Variants in RRP15 observed in about 807,000 individuals in gnomAD.
RRP15 encodes the protein RRP15-like protein.
A neutral mutation model predicts 27.1 loss-of-function variants in RRP15; 18 were observed. The ratio of observed to expected loss-of-function variants is 0.66; its 90% CI spans 0.46 to 0.98. The LOEUF (loss-of-function observed/expected upper bound fraction) is 0.98, where lower values mean the gene tolerates loss of function less well. Among genes scored for constraint, RRP15 ranks in the 50% least tolerant of loss-of-function variants. RRP15 has a pLI of 0.00. For missense variants in RRP15, 359 were observed against 337.8 expected, an observed-to-expected ratio of 1.06 and a Z score of -0.49; for synonymous variants, 107 against 109.4, an observed-to-expected ratio of 0.98 and a Z score of 0.14.
chr1:218,317,795 G>T (rs1168695837), intron 4 of RRP15, among the ~76,000 whole-genome samples: 2 of 146,032 alleles, frequency 1.4e-5, no homozygotes, highest in Admixed American at 1.4e-4. Context: ...GAATATAGTG[G>T]TGTGATCACA....
intron 1 of RRP15, among the ~76,000 whole-genome samples, chr1:218,287,172 G>T (rs541106988): frequency 6.8e-6 from 1 of 147,598 alleles, no homozygotes; most frequent in Non-Finnish European, 1.5e-5. Flanking sequence ...GTAGAGATGG[G>T]ATTTTGCCAT....
At chr1:218,319,363 CTTGT>C (rs1264022443) in intron 4 of RRP15, among the ~76,000 whole-genome samples, 1 of 152,182 alleles carries the variant, frequency 6.6e-6, no homozygotes, top group Non-Finnish European at 1.5e-5. Context: ...CTGTGCCCGG[CTTGT>C]TTGTCTTTTT....
At chr1:218,299,208 T>C (rs972253873) in intron 1 of RRP15, among the ~76,000 whole-genome samples, 9 of 152,208 alleles carry the variant, frequency 5.9e-5, no homozygotes, top group Non-Finnish European at 1.2e-4. Flanking sequence ...TCATATTAAA[T>C]GTCATCATTT....
At position 218,334,357 on chromosome 1, in the gene RRP15, T is replaced by G. The variant is rs1656417753; in HGVS notation, c.*3266T>G. 1 of 152,220 alleles carries G rather than the reference T, an allele frequency of 6.6e-6. No homozygotes were observed. The highest frequency in any genetic ancestry group is 2.4e-5 in the African/African-American group (1 of 41,456). The allele number at this position is 152,220 out of a possible 1,614,324, so 9.4% of individuals were successfully genotyped here. On this transcript the variant is annotated 3_prime_UTR_variant, in exon 5 of 5. Transcript: ENST00000366932. ...AGTAGGAGGTTCTCAAAGGTCTATT[T>G]GAAGGCAATCCAATTTCTTTAAAAT...
At chr1:218,302,024 C>A in intron 1 of RRP15, 1 of 380,304 alleles carries the variant, frequency 2.6e-6, no homozygotes, top group East Asian at 4.1e-5. Flanking sequence ...GTGGCAGAGG[C>A]TGTTGGATTT....
intron 4 of RRP15, among the ~76,000 whole-genome samples, chr1:218,318,845 T>C (rs1656131520): frequency 6.6e-6 from 1 of 152,102 alleles, no homozygotes; most frequent in Non-Finnish European, 1.5e-5. Context: ...TCTCCATCTT[T>C]TGCCTTTTAC....
At chr1:218,319,255 G>A (rs1656140376) in intron 4 of RRP15, among the ~76,000 whole-genome samples, 1 of 151,942 alleles carries the variant, frequency 6.6e-6, no homozygotes. Context: ...AGTAGAGATG[G>A]GGTTTCACCA....
In RRP15 at chr1:218,286,864, TTAGAC is replaced by T. The variant is rs1305649298; in HGVS notation, c.139+1413_139+1417del. On this transcript the variant is annotated intron_variant, in intron 1 of 4. Coordinates refer to ENST00000366932, the MANE Select transcript of RRP15 (RefSeq NM_016052.4). ...CTGGTTCTGATATTTTTTAAATTCA[TTAGAC>T]TAGTTCAAACACTATTGTTCAAGAA... Among the ~76,000 whole-genome samples the T allele has an allele frequency of 7.4e-4, 113 of 152,342 alleles. 1 individual carries two copies. Among genetic ancestry groups the T allele is most frequent in the Admixed American group, 3.5e-3 (53 of 15,298 alleles).
chr1:218,304,846 C>T lies in RRP15; in HGVS notation c.406-182C>T, dbSNP rs116741352. Among the ~76,000 whole-genome samples the T allele has an allele frequency of 2.4e-3, 365 of 152,256 alleles. 3 individuals are homozygous for T. The highest frequency in any genetic ancestry group is 8.5e-3 in the African/African-American group (353 of 41,568). The stretch of plus-strand genomic sequence containing the variant: ...CTCACTTTGTGCCTCTCGCATGACA[C>T]GCTGAGTGCTAACCACAGGCTCTCG... On this transcript the variant is annotated intron_variant, in intron 2 of 4. Transcript: ENST00000366932.
chr1:218,306,480 T>A (rs756524456), intron 3 of RRP15, among the ~76,000 whole-genome samples: 3 of 152,098 alleles, frequency 2.0e-5, no homozygotes, highest in Non-Finnish European at 4.4e-5. Context: ...AGAAATGGCC[T>A]GGATAAAGAG....
At chr1:218,318,992 C>A (rs1235045460) in intron 4 of RRP15, among the ~76,000 whole-genome samples, 1 of 151,982 alleles carries the variant, frequency 6.6e-6, no homozygotes, top group Non-Finnish European at 1.5e-5. Context: ...GGGGTTGTTT[C>A]ATCCCTTTTA....
chr1:218,323,762 C>G (rs1024924846), intron 4 of RRP15, among the ~76,000 whole-genome samples: 2 of 152,198 alleles, frequency 1.3e-5, no homozygotes, highest in African/African-American at 4.8e-5. Context: ...CGGAGGGGGC[C>G]AAGGGGGCAG....
At chr1:218,295,567 TC>T (rs1655706553) in intron 1 of RRP15, among the ~76,000 whole-genome samples, 2 of 152,242 alleles carry the variant, frequency 1.3e-5, no homozygotes, top group African/African-American at 4.8e-5. Context: ...CTAGGAGATA[TC>T]CCTTCATTTT....
At chr1:218,324,758 C>T (rs1231989172) in intron 4 of RRP15, among the ~76,000 whole-genome samples, 3 of 152,124 alleles carry the variant, frequency 2.0e-5, no homozygotes, top group Non-Finnish European at 2.9e-5. Context: ...ATTTCTTATT[C>T]GTGTGAAAAA....
At position 218,307,524 on chromosome 1, in the gene RRP15, T is replaced by C. The variant is rs532090989; in HGVS notation, c.597T>C (p.Ala199=). 5.0e-6 allele frequency: 8 copies of C among 1,613,846 alleles called. No homozygotes were observed. Among genetic ancestry groups the C allele is most frequent in the East Asian group, 2.2e-5 (1 of 44,844 alleles). Reference sequence around the variant, plus strand: ...CTGGAAGTTCTATGAGAAAGCGTGCTAAGTTGATATCAACTGTTTCCAAGA... The same window carrying C: ...CTGGAAGTTCTATGAGAAAGCGTGCCAAGTTGATATCAACTGTTTCCAAGA... ...KEAGSSMRKR[A]KLISTVSKKD... The change falls in exon 4 of 5, where the codon GCT becomes GCC. Residue 199 remains alanine (A), a synonymous_variant. Transcript: ENST00000366932.
chr1:218,320,017 GT>G lies in RRP15; in HGVS notation c.706-10916del, dbSNP rs1209984509. ...ACATTTGACTTTTCAGGTACCTTAG[GT>G]TTTTTTTTTTTTTTACTATGTTTTA... On this transcript the variant is annotated intron_variant, in intron 4 of 4. Transcript: ENST00000366932. 8.7e-3 allele frequency among the ~76,000 whole-genome samples: 1,080 copies of G among 124,040 alleles called. 11 individuals are homozygous for G. Among genetic ancestry groups the G allele is most frequent in the African/African-American group, 0.025 (861 of 34,548 alleles). The allele number at this position is 124,040 out of a possible 152,430, so 81.4% of individuals were successfully genotyped here.
chr1:218,292,410 A>C (rs1224735222), intron 1 of RRP15, among the ~76,000 whole-genome samples: 1 of 152,208 alleles, frequency 6.6e-6, no homozygotes, highest in African/African-American at 2.4e-5. Flanking sequence ...GCTGTAGCCA[A>C]GAAAAAGCAC....
At chr1:218,292,654 C>A (rs142592937) in intron 1 of RRP15, among the ~76,000 whole-genome samples, 1 of 152,306 alleles carries the variant, frequency 6.6e-6, no homozygotes, top group East Asian at 1.9e-4. Flanking sequence ...AATACAGAAT[C>A]CACAAATAAC....
rs982513320 is a variant in RRP15, at chr1:218,332,016, A to C, written c.*925A>C. The stretch of plus-strand genomic sequence containing the variant: ...TTATTTTATTTCCTTTCATTTATTA[A>C]ATAATATAAATAATGACAGATTTAT... On this transcript the variant is annotated 3_prime_UTR_variant, in exon 5 of 5. Coordinates refer to ENST00000366932, the MANE Select transcript of RRP15 (RefSeq NM_016052.4). The C allele has an allele frequency of 6.6e-6, 1 of 152,080 alleles. No individual in the cohort carries two copies. Among genetic ancestry groups the C allele is most frequent in the Non-Finnish European group, 1.5e-5 (1 of 68,024 alleles). 9.4% of individuals were successfully genotyped at this position (152,080 alleles called of 1,614,324 possible).
Sources: gnomAD v4.1 joint callset for allele counts (sites outside exome capture counted in the v4.1 genomes callset) on GRCh38, gnomAD v4.1.1 for gene constraint, MANE v1.5 for transcripts, NCBI Gene and HGNC (gene_info 2026-07-23, HGNC 2026-07-21) for gene names.